Variants in SCN8A observed in about 807,000 individuals in gnomAD.
The protein encoded by SCN8A is sodium channel protein type 8 subunit alpha.
SCN8A carries 30 observed loss-of-function variants against 184.1 expected under a neutral mutation model. The observed-to-expected ratio is 0.16, with a 90% confidence interval of 0.12 to 0.22. The LOEUF (loss-of-function observed/expected upper bound fraction) is 0.22. SCN8A is among the 10% of genes least tolerant of loss of function. The pLI is 1.00. For synonymous variants in SCN8A, 852 were observed against 907.0 expected, an observed-to-expected ratio of 0.94 and a Z score of 1.09; for missense variants, 1,057 against 2,498.9, an observed-to-expected ratio of 0.42 and a Z score of 12.30.
chr12:51,709,886 T>G (rs1941845923), intron 11 of SCN8A, among the ~76,000 whole-genome samples: 1 of 152,090 alleles, frequency 6.6e-6, no homozygotes, highest in Non-Finnish European at 1.5e-5. Flanking sequence ...GGTGGATAAA[T>G]TTGTAGAAAA....
chr12:51,623,535 G>A (rs1024433669), intron 1 of SCN8A, among the ~76,000 whole-genome samples: 7 of 152,140 alleles, frequency 4.6e-5, no homozygotes, highest in East Asian at 3.8e-4. Context: ...TATGAGCTAC[G>A]ATTTACCAAT....
Position 51,773,373 on chromosome 12 carries a change from C to T in SCN8A, c.3646-816C>T, listed in dbSNP as rs118060530. Among the ~76,000 whole-genome samples the T allele has an allele frequency of 4.0e-4, 61 of 152,348 alleles. 1 individual carries two copies. In the East Asian group the frequency reaches 0.01, roughly 25 times the overall value. On this transcript the variant is annotated intron_variant, in intron 19 of 26. Transcript: ENST00000627620. Reference sequence around the variant, plus strand: ...CACACCACCATATAAGGGATTATCCCATTCATGAATGCCAAAGAAATAAAA... The same window carrying T: ...CACACCACCATATAAGGGATTATCCTATTCATGAATGCCAAAGAAATAAAA...
chr12:51,789,181 GTT>G (rs1160479920), intron 23 of SCN8A, 98 bp from the exon 24 acceptor site: 24 of 1,310,008 alleles, frequency 1.8e-5, no homozygotes, highest in Non-Finnish European at 2.6e-5. Flanking sequence ...ACCCCAAGAT[GTT>G]TAGCAGCTCA....
chr12:51,706,839 A>C, intron 11 of SCN8A, 124 bp downstream of exon 11: 1 of 689,512 alleles, frequency 1.5e-6, no homozygotes, highest in Non-Finnish European at 2.1e-6. Context: ...GCACAATTAT[A>C]TTCTTCTTTT....
At chr12:51,681,534 G>A (rs1941333134) in intron 2 of SCN8A, among the ~76,000 whole-genome samples, 1 of 152,322 alleles carries the variant, frequency 6.6e-6, no homozygotes, top group Middle Eastern at 3.4e-3. Flanking sequence ...TTGTTTCTTT[G>A]AGAAGCCAAG....
At chr12:51,741,169 C>T (rs1942415550) in intron 12 of SCN8A, among the ~76,000 whole-genome samples, 1 of 152,122 alleles carries the variant, frequency 6.6e-6, no homozygotes, top group Non-Finnish European at 1.5e-5. Flanking sequence ...TTTATAATTG[C>T]TATATCCTTT....
intron 19 of SCN8A, among the ~76,000 whole-genome samples, chr12:51,773,252 C>T (rs1942957113): frequency 6.6e-6 from 1 of 152,224 alleles, no homozygotes. Flanking sequence ...TCACAGAGGA[C>T]TTCCTCCCCA....
chr12:51,639,878 G>GTTT (rs1565869570), intron 1 of SCN8A, among the ~76,000 whole-genome samples: 4 of 18,788 alleles, frequency 2.1e-4, no homozygotes, highest in Non-Finnish European at 3.5e-4. Flanking sequence ...TAAGGTATAT[G>GTTT]CTTTTTTTTT....
chr12:51,723,220 GCAC>G (rs2138785947), intron 12 of SCN8A: 1 of 152,222 alleles, frequency 6.6e-6, no homozygotes, highest in South Asian at 2.1e-4. Flanking sequence ...ACAGTGGCTC[GCAC>G]CTGTAATCCC....
At chr12:51,735,917 T>C (rs979410318) in intron 12 of SCN8A, among the ~76,000 whole-genome samples, 1 of 152,252 alleles carries the variant, frequency 6.6e-6, no homozygotes, top group Non-Finnish European at 1.5e-5. Flanking sequence ...TTATTGGCTC[T>C]GTCCACCAAA....
At chr12:51,799,041 A>T (rs538859097) in intron 26 of SCN8A, among the ~76,000 whole-genome samples, 2 of 152,204 alleles carry the variant, frequency 1.3e-5, no homozygotes, top group Non-Finnish European at 2.9e-5. Context: ...GAAAGGGGCT[A>T]TAGTGCTGCA....
chr12:51,611,324 G>T (rs1939715926), intron 1 of SCN8A, among the ~76,000 whole-genome samples: 2 of 151,892 alleles, frequency 1.3e-5, no homozygotes, highest in African/African-American at 4.8e-5. Context: ...ACCACGCCTG[G>T]CTAATTTCTT....
intron 26 of SCN8A, among the ~76,000 whole-genome samples, chr12:51,797,978 G>T (rs2138925912): frequency 6.6e-6 from 1 of 152,292 alleles, no homozygotes; most frequent in Admixed American, 6.5e-5. Context: ...GGGTGATGGG[G>T]AGTGGTGCCA....
chr12:51,702,160 A>G (rs1941701161), intron 8 of SCN8A, among the ~76,000 whole-genome samples: 2 of 151,876 alleles, frequency 1.3e-5, no homozygotes, highest in South Asian at 4.1e-4. Context: ...CGTCTCTACT[A>G]AAAATACAAA....
chr12:51,639,577 T>C (rs982128445), intron 1 of SCN8A, among the ~76,000 whole-genome samples: 1 of 152,160 alleles, frequency 6.6e-6, no homozygotes, highest in Middle Eastern at 3.4e-3. Context: ...ACAGCGTGAC[T>C]CAAATTGTGA....
intron 1 of SCN8A, among the ~76,000 whole-genome samples, chr12:51,648,101 T>C (rs982801243): frequency 2.0e-5 from 3 of 152,186 alleles, no homozygotes; most frequent in Admixed American, 6.5e-5. Flanking sequence ...GCCAAATACA[T>C]CTACAGGATT....
At chr12:51,799,781 C>T (rs1305628544) in intron 26 of SCN8A, among the ~76,000 whole-genome samples, 1 of 152,150 alleles carries the variant, frequency 6.6e-6, no homozygotes, top group Non-Finnish European at 1.5e-5. Flanking sequence ...GCCCACTAGG[C>T]GTTGTGACTC....
intron 14 of SCN8A, among the ~76,000 whole-genome samples, chr12:51,757,042 A>G (rs1393066101): frequency 4.6e-5 from 7 of 152,172 alleles, no homozygotes; most frequent in Non-Finnish European, 1.0e-4. Flanking sequence ...ATAGCCCCAT[A>G]TGGATACTTC....
At chr12:51,765,129 G>C (rs957967219) in intron 15 of SCN8A, among the ~76,000 whole-genome samples, 4 of 152,016 alleles carry the variant, frequency 2.6e-5, no homozygotes, top group African/African-American at 9.7e-5. Flanking sequence ...CCCTGTTTGA[G>C]AGTTGTGCTT....
Sources: gnomAD v4.1 joint callset for allele counts (sites outside exome capture counted in the v4.1 genomes callset) on GRCh38, gnomAD v4.1.1 for gene constraint, MANE v1.5 for transcripts, NCBI Gene and HGNC (gene_info 2026-07-23, HGNC 2026-07-21) for gene names.